Variants in CDH4 observed in about 807,000 individuals in gnomAD.
CDH4 encodes cadherin-4.
A neutral mutation model predicts 86.0 loss-of-function variants in CDH4; 33 were observed. The ratio of observed to expected loss-of-function variants is 0.38; its 90% CI spans 0.29 to 0.51. The LOEUF (loss-of-function observed/expected upper bound fraction) is 0.51, where lower values mean the gene tolerates loss of function less well. CDH4 is among the 20% of genes least tolerant of loss of function. CDH4 has a pLI of 0.86. For missense variants in CDH4, 1,114 were observed against 1,307.4 expected (o/e 0.85, Z 2.28); for synonymous variants, 555 against 549.4 (o/e 1.01, Z -0.14).
At chr20:61,842,413 C>T (rs73143138) in intron 4 of CDH4, among the ~76,000 whole-genome samples, 10,579 of 152,250 alleles carry the variant, frequency 0.069, 545 homozygotes, top group East Asian at 0.22. Context: ...TTTTCTGTCT[C>T]GTTCTTTGCT....
At chr20:61,611,042 G>A (rs1162909282) in intron 2 of CDH4, among the ~76,000 whole-genome samples, 3 of 152,004 alleles carry the variant, frequency 2.0e-5, no homozygotes, top group Admixed American at 6.5e-5. Flanking sequence ...TAAAGCAAGA[G>A]GGGCTGCAGC....
At position 61,565,131 on chromosome 20, in the gene CDH4, C is replaced by G. The variant is rs924167935; in HGVS notation, c.170-178432C>G. ...GGTGGTGCTGGTGCTCTTGGTGGTGCTGGTCCTCTTGGTGTTGGTAGTGGT... is the reference window on the plus strand; with the variant it reads ...GGTGGTGCTGGTGCTCTTGGTGGTGGTGGTCCTCTTGGTGTTGGTAGTGGT... On this transcript the variant is annotated intron_variant, in intron 2 of 15. Transcript: ENST00000614565. Among the ~76,000 whole-genome samples the G allele has an allele frequency of 9.5e-4, 86 of 90,306 alleles. 2 individuals carry two copies. The highest frequency in any genetic ancestry group is 2.1e-3 in the African/African-American group (45 of 21,812). The allele number at this position is 90,306 out of a possible 152,430, so 59.2% of individuals were successfully genotyped here. A position where few individuals can be genotyped will look rare whatever the true frequency, so the allele number is the denominator to read the frequency against.
rs557627700 is a variant in CDH4 at position 61,630,913 on chromosome 20, G to A, written c.170-112650G>A. On this transcript the variant is annotated intron_variant, in intron 2 of 15. Transcript: ENST00000614565. ...TTTCTGTGCCCGTGGGAAGGTAGAC[G>A]GGTGAAACCCACAGTTACTGACAAG... Among the ~76,000 whole-genome samples the A allele has an allele frequency of 6.6e-5, 10 of 152,296 alleles. No individual in the cohort carries two copies. The East Asian group carries it at 9.7e-4, about 15-fold the overall frequency.
intron 2 of CDH4, among the ~76,000 whole-genome samples, chr20:61,346,027 G>A (rs1463495847): frequency 6.6e-6 from 1 of 152,240 alleles, no homozygotes. Context: ...AACACACAGG[G>A]AAGTACACAG....
chr20:61,576,336 T>C (rs1291137969), intron 2 of CDH4, among the ~76,000 whole-genome samples: 1 of 152,154 alleles, frequency 6.6e-6, no homozygotes, highest in Non-Finnish European at 1.5e-5. Context: ...TGTTTGCAGC[T>C]GGCAGGTCAG....
chr20:61,932,881 T>TGTGCCACCTGCAATGA (rs1307349144), intron 13 of CDH4, 104 bp from the exon 14 acceptor site: 1 of 1,457,394 alleles, frequency 6.9e-7, no homozygotes, highest in Non-Finnish European at 9.3e-7. Flanking sequence ...GTCATGCTTG[T>TGTGCCACCTGCAATGA]GTGCCACCTG....
At chr20:61,836,747 A>G (rs1981898408) in intron 4 of CDH4, among the ~76,000 whole-genome samples, 1 of 152,262 alleles carries the variant, frequency 6.6e-6, no homozygotes, top group Admixed American at 6.5e-5. Context: ...ACGTCGCCGA[A>G]TCTTGCTGGT....
At chr20:61,483,339 C>T (rs888228637) in intron 2 of CDH4, among the ~76,000 whole-genome samples, 9 of 152,156 alleles carry the variant, frequency 5.9e-5, no homozygotes, top group Admixed American at 1.3e-4. Context: ...GGCTTTTCTA[C>T]CAAACTTTCC....
At chr20:61,428,627 T>G (rs1351233487) in intron 2 of CDH4, among the ~76,000 whole-genome samples, 1 of 152,208 alleles carries the variant, frequency 6.6e-6, no homozygotes, top group Non-Finnish European at 1.5e-5. Flanking sequence ...ACAGGTGTGC[T>G]GATGATAGGA....
intron 6 of CDH4, among the ~76,000 whole-genome samples, chr20:61,856,607 G>C (rs1012854592): frequency 8.6e-6 from 1 of 116,162 alleles, no homozygotes; most frequent in African/African-American, 2.8e-5. Flanking sequence ...ATCCATGAGG[G>C]TCCTGTGTGT....
chr20:61,537,337 A>C (rs2086004627), intron 2 of CDH4, among the ~76,000 whole-genome samples: 1 of 152,186 alleles, frequency 6.6e-6, no homozygotes, highest in Non-Finnish European at 1.5e-5. Flanking sequence ...CATTGTGTAG[A>C]GAAGCATCAC....
At chr20:61,787,248 G>T (rs907432862) in intron 4 of CDH4, among the ~76,000 whole-genome samples, 6 of 152,158 alleles carry the variant, frequency 3.9e-5, no homozygotes, top group African/African-American at 1.4e-4. Flanking sequence ...ACATACCCAA[G>T]ACTGGGTAAT....
At chr20:61,808,883 TC>T (rs750765171) in intron 4 of CDH4, among the ~76,000 whole-genome samples, 3 of 152,354 alleles carry the variant, frequency 2.0e-5, no homozygotes, top group East Asian at 3.9e-4. Context: ...ACGTTGATTT[TC>T]GAGGACATCT....
chr20:61,276,551 C>T (rs1249766897), intron 2 of CDH4, among the ~76,000 whole-genome samples: 1 of 152,210 alleles, frequency 6.6e-6, no homozygotes, highest in African/African-American at 2.4e-5. Context: ...GTCTTTCTGT[C>T]CCCACCAGGA....
intron 2 of CDH4, among the ~76,000 whole-genome samples, chr20:61,317,260 C>T (rs543784335): frequency 6.6e-6 from 1 of 152,196 alleles, no homozygotes; most frequent in South Asian, 2.1e-4. Context: ...CGCCCGCAGT[C>T]CTGGCAGTGA....
intron 2 of CDH4, among the ~76,000 whole-genome samples, chr20:61,656,368 C>T (rs1021001809): frequency 3.7e-4 from 51 of 138,180 alleles, no homozygotes; most frequent in Non-Finnish European, 4.5e-4. Flanking sequence ...TGGGCAGGCG[C>T]GTGCTGGGGT....
At chr20:61,340,772 G>T (rs1315303196) in intron 2 of CDH4, among the ~76,000 whole-genome samples, 1 of 152,050 alleles carries the variant, frequency 6.6e-6, no homozygotes, top group Non-Finnish European at 1.5e-5. Context: ...TAGAGACGAG[G>T]TCTCACTTTG....
At position 61,469,382 on chromosome 20, in the gene CDH4, C is replaced by T. The variant is rs552695516; in HGVS notation, c.169+214445C>T. The stretch of plus-strand genomic sequence containing the variant: ...TCTTTTGAGAAATGTCTATTCAGAC[C>T]TTTGCCCATTTAAAAAACCAGATTA... On this transcript the variant is annotated intron_variant, in intron 2 of 15. Coordinates refer to ENST00000614565, the MANE Select transcript of CDH4 (RefSeq NM_001794.5). Among the ~76,000 whole-genome samples the T allele has an allele frequency of 6.9e-3, 1,045 of 152,192 alleles. 10 individuals are homozygous for T. The highest frequency in any genetic ancestry group is 0.024 in the African/African-American group (989 of 41,538).
In CDH4 at chr20:61,650,402, C is replaced by T. The variant is rs548727852; in HGVS notation, c.170-93161C>T. Among the ~76,000 whole-genome samples, 65 of 152,300 alleles carry T rather than the reference C, an allele frequency of 4.3e-4. 1 individual carries two copies. The highest frequency in any genetic ancestry group is 1.5e-3 in the African/African-American group (62 of 41,564). On this transcript the variant is annotated intron_variant, in intron 2 of 15. Transcript: ENST00000614565. ...CTTGTGGAATAAATGCCATGTTTGT[C>T]TTCTCTAATGGGCTGTATGTTTCTA... is the stretch of plus-strand genomic sequence containing the variant.
Sources: allele counts gnomAD v4.1 joint callset (sites outside exome capture counted in the v4.1 genomes callset), GRCh38; gene constraint gnomAD v4.1.1; transcripts MANE v1.5; gene names NCBI Gene and HGNC (gene_info 2026-07-23, HGNC 2026-07-21).